Variants in MSRA observed in about 807,000 individuals in gnomAD.
MSRA encodes mitochondrial peptide methionine sulfoxide reductase.
In MSRA, 54 loss-of-function variants were observed where a neutral mutation model predicts 31.3. The observed-to-expected ratio is 1.73, with a 90% confidence interval of 1.39 to 2.17. The LOEUF (loss-of-function observed/expected upper bound fraction) is 2.17. Ranked by LOEUF, MSRA falls within the 30% of genes most tolerant of loss-of-function variation. MSRA has a pLI of 0.00. For synonymous variants in MSRA, 169 were observed against 116.5 expected, an observed-to-expected ratio of 1.45 and a Z score of -2.90; for missense variants, 507 against 300.9, an observed-to-expected ratio of 1.69 and a Z score of -5.07.
At chr8:10,132,995 G>T (rs990398213) in intron 1 of MSRA, among the ~76,000 whole-genome samples, 1 of 152,164 alleles carries the variant, frequency 6.6e-6, no homozygotes, top group Admixed American at 6.5e-5. Context: ...GCACCATATG[G>T]GGTCCTGCCT....
intron 1 of MSRA, among the ~76,000 whole-genome samples, chr8:10,148,126 A>G (rs1280305139): frequency 1.3e-5 from 2 of 152,170 alleles, no homozygotes; most frequent in African/African-American, 4.8e-5. Flanking sequence ...TCGGCTCTGC[A>G]GCCGGAAAGG....
At chr8:10,250,630 G>T in intron 3 of MSRA, 1 of 610,686 alleles carries the variant, frequency 1.6e-6, no homozygotes, top group South Asian at 2.0e-5. Context: ...TTCAGCAGAG[G>T]TTTCGAGCAG....
At chr8:10,064,153 T>A (rs1203198062) in intron 1 of MSRA, among the ~76,000 whole-genome samples, 1 of 152,204 alleles carries the variant, frequency 6.6e-6, no homozygotes, top group African/African-American at 2.4e-5. Flanking sequence ...GCTGCTGGCA[T>A]GATCAGAGTT....
At chr8:10,099,714 G>A (rs1055628936) in intron 1 of MSRA, among the ~76,000 whole-genome samples, 10 of 152,184 alleles carry the variant, frequency 6.6e-5, no homozygotes, top group Non-Finnish European at 1.2e-4. Context: ...TTAGAGGGGT[G>A]CAGCAGAGGG....
At chr8:10,229,703 T>C (rs1271549308) in intron 2 of MSRA, among the ~76,000 whole-genome samples, 1 of 151,468 alleles carries the variant, frequency 6.6e-6, no homozygotes, top group Admixed American at 6.6e-5. Flanking sequence ...AGTTTATAGA[T>C]GAGAAAAAAA....
intron 5 of MSRA, among the ~76,000 whole-genome samples, chr8:10,352,685 A>C (rs531902699): frequency 2.0e-5 from 3 of 152,256 alleles, no homozygotes; most frequent in East Asian, 3.9e-4. Flanking sequence ...ATTGAGCTGC[A>C]CATTTCCCTG....
At chr8:10,199,199 C>T (rs1330253490) in intron 1 of MSRA, among the ~76,000 whole-genome samples, 3 of 152,122 alleles carry the variant, frequency 2.0e-5, no homozygotes, top group African/African-American at 7.2e-5. Context: ...TCCTCTTGCA[C>T]TCTAATGGGG....
At chr8:10,166,453 CAT>C (rs758693104) in intron 1 of MSRA, among the ~76,000 whole-genome samples, 24 of 152,120 alleles carry the variant, frequency 1.6e-4, no homozygotes, top group African/African-American at 4.6e-4. Flanking sequence ...TGTGTGACTA[CAT>C]ATGTTATATT....
intron 5 of MSRA, among the ~76,000 whole-genome samples, chr8:10,379,886 A>T (rs1393949732): frequency 6.6e-6 from 1 of 152,164 alleles, no homozygotes; most frequent in African/African-American, 2.4e-5. Context: ...GTTCATCATT[A>T]TTGGCTCATG....
rs539436295 is a variant in MSRA, at chr8:10,406,097, C to T, written c.544-22051C>T. Among the ~76,000 whole-genome samples the T allele has an allele frequency of 9.8e-5, 15 of 152,394 alleles. No individual in the cohort carries two copies. In the East Asian group the frequency reaches 2.5e-3, roughly 25 times the overall value. ...GGAACTAAAGAGTTTATTTCCTGCT[C>T]TTTCCCAGTAAGGGGAGAAGCGTGA... On this transcript the variant is annotated intron_variant, in intron 5 of 5. Coordinates refer to ENST00000317173, the MANE Select transcript of MSRA (RefSeq NM_012331.5).
chr8:10,121,027 A>C (rs1801069181), intron 1 of MSRA, among the ~76,000 whole-genome samples: 1 of 152,228 alleles, frequency 6.6e-6, no homozygotes, highest in Non-Finnish European at 1.5e-5. Flanking sequence ...AAATTAAGTC[A>C]AACATTTCAG....
At chr8:10,426,880 C>A (rs1358753140) in intron 5 of MSRA, among the ~76,000 whole-genome samples, 1 of 152,218 alleles carries the variant, frequency 6.6e-6, no homozygotes, top group Non-Finnish European at 1.5e-5. Context: ...CATTCTCATT[C>A]CTAACCCCTG....
chr8:10,122,990 C>T lies in MSRA; in HGVS notation c.142+68332C>T, dbSNP rs556991742. On this transcript the variant is annotated intron_variant, in intron 1 of 5. Coordinates refer to ENST00000317173, the MANE Select transcript of MSRA (RefSeq NM_012331.5). ...CTATTGTGAATAGTGCTGCAGCGAA[C>T]ATATATGTGCATGTGTCTATATAGG... Among the ~76,000 whole-genome samples, 3 of 152,246 alleles carry T rather than the reference C, an allele frequency of 2.0e-5. No homozygotes were observed. The South Asian group carries it at 6.2e-4, about 32-fold the overall frequency.
At chr8:10,060,977 C>T (rs902767709) in intron 1 of MSRA, among the ~76,000 whole-genome samples, 34 of 152,214 alleles carry the variant, frequency 2.2e-4, no homozygotes, top group Non-Finnish European at 3.7e-4. Flanking sequence ...GAAAAGTTTT[C>T]CCCAATGTGT....
intron 5 of MSRA, among the ~76,000 whole-genome samples, chr8:10,411,743 T>A (rs1808172098): frequency 6.6e-6 from 1 of 152,268 alleles, no homozygotes; most frequent in Non-Finnish European, 1.5e-5. Context: ...TAAGTCTCAT[T>A]TTTTAAACAT....
intron 1 of MSRA, among the ~76,000 whole-genome samples, chr8:10,176,306 G>A (rs1806046005): frequency 6.6e-6 from 1 of 152,132 alleles, no homozygotes; most frequent in Admixed American, 6.6e-5. Context: ...CTCAAATCAA[G>A]CCTCCTCAGA....
At chr8:10,405,193 G>A (rs1161996245) in intron 5 of MSRA, among the ~76,000 whole-genome samples, 1 of 152,174 alleles carries the variant, frequency 6.6e-6, no homozygotes, top group East Asian at 1.9e-4. Context: ...ACTGAGCCCA[G>A]CCTCCCTCTG....
At chr8:10,223,113 G>T (rs926803489) in intron 2 of MSRA, among the ~76,000 whole-genome samples, 2 of 152,162 alleles carry the variant, frequency 1.3e-5, no homozygotes, top group Non-Finnish European at 2.9e-5. Context: ...TATAAAAAGT[G>T]ACACTAGCAA....
chr8:10,084,629 G>A (rs1798461203), intron 1 of MSRA, among the ~76,000 whole-genome samples: 1 of 152,188 alleles, frequency 6.6e-6, no homozygotes, highest in Admixed American at 6.5e-5. Flanking sequence ...CTGTGCCTTA[G>A]TTTCCTAGGG....
Sources: gnomAD v4.1 joint callset for allele counts (sites outside exome capture counted in the v4.1 genomes callset) on GRCh38, gnomAD v4.1.1 for gene constraint, MANE v1.5 for transcripts, NCBI Gene and HGNC (gene_info 2026-07-23, HGNC 2026-07-21) for gene names.